Variants in KCNB2 observed in about 807,000 individuals in gnomAD.
KCNB2 encodes potassium voltage-gated channel subfamily B member 2, also known as delayed rectifier potassium channel protein.
KCNB2 carries 15 observed loss-of-function variants against 61.5 expected under a neutral mutation model. The ratio of observed to expected loss-of-function variants is 0.24; its 90% CI spans 0.16 to 0.38. KCNB2 has a LOEUF of 0.38. Among genes scored for constraint, KCNB2 ranks in the 10% least tolerant of loss-of-function variants. The pLI, the probability that KCNB2 is intolerant of heterozygous loss-of-function variation, is 1.00. For missense variants in KCNB2, 828 were observed against 1,125.2 expected (o/e 0.74, Z 3.78); for synonymous variants, 457 against 446.0 (o/e 1.02, Z -0.31).
At chr8:72,787,740 C>A (rs945631881) in intron 2 of KCNB2, among the ~76,000 whole-genome samples, 5 of 152,042 alleles carry the variant, frequency 3.3e-5, no homozygotes, top group Non-Finnish European at 7.4e-5. Context: ...CTTCCCTAAC[C>A]CCCACCCCAG....
At chr8:72,767,028 C>G (rs1045633412) in intron 2 of KCNB2, among the ~76,000 whole-genome samples, 1 of 152,116 alleles carries the variant, frequency 6.6e-6, no homozygotes, top group African/African-American at 2.4e-5. Flanking sequence ...ATAAACTCAT[C>G]AGATCTCATG....
intron 2 of KCNB2, among the ~76,000 whole-genome samples, chr8:72,784,811 G>A (rs1808821089): frequency 1.3e-5 from 2 of 152,168 alleles, no homozygotes; most frequent in African/African-American, 4.8e-5. Flanking sequence ...CCAGGAGACA[G>A]GGATCTACTG....
At chr8:72,814,792 A>T (rs1299511819) in intron 2 of KCNB2, among the ~76,000 whole-genome samples, 2 of 152,216 alleles carry the variant, frequency 1.3e-5, no homozygotes, top group African/African-American at 4.8e-5. Context: ...CATAGCTCTA[A>T]TAAATGACAT....
intron 2 of KCNB2, among the ~76,000 whole-genome samples, chr8:72,604,609 A>G: frequency 6.6e-6 from 1 of 152,236 alleles, no homozygotes; most frequent in Non-Finnish European, 1.5e-5. Context: ...CTTCCCAAAA[A>G]TCACCTAATG....
At chr8:72,833,439 C>G (rs958314132) in intron 2 of KCNB2, among the ~76,000 whole-genome samples, 14 of 152,082 alleles carry the variant, frequency 9.2e-5, no homozygotes, top group Non-Finnish European at 1.5e-4. Flanking sequence ...TAGTGAGGTT[C>G]TAGCATAGGA....
At chr8:72,728,040 A>G (rs571515662) in intron 2 of KCNB2, among the ~76,000 whole-genome samples, 2 of 152,232 alleles carry the variant, frequency 1.3e-5, no homozygotes, top group Non-Finnish European at 2.9e-5. Flanking sequence ...AACAGCATGC[A>G]GTCTCCTTGT....
At chr8:72,631,419 G>A (rs532357919) in intron 2 of KCNB2, among the ~76,000 whole-genome samples, 1 of 152,306 alleles carries the variant, frequency 6.6e-6, no homozygotes, top group East Asian at 1.9e-4. Context: ...ATTGGCTTTT[G>A]TGGCATCACT....
At chr8:72,859,262 GCAAA>G (rs1205642060) in intron 2 of KCNB2, among the ~76,000 whole-genome samples, 1 of 152,154 alleles carries the variant, frequency 6.6e-6, no homozygotes, top group Admixed American at 6.5e-5. Context: ...CTCACGTATA[GCAAA>G]CAAAGTGGGG....
At chr8:72,690,051 A>AAG (rs1806916234) in intron 2 of KCNB2, among the ~76,000 whole-genome samples, 1 of 151,686 alleles carries the variant, frequency 6.6e-6, no homozygotes, top group Admixed American at 6.6e-5. Context: ...AAAAAAAAAA[A>AAG]TCAAACTTCT....
intron 2 of KCNB2, among the ~76,000 whole-genome samples, chr8:72,599,997 A>G (rs1807267330): frequency 6.6e-6 from 1 of 152,368 alleles, no homozygotes; most frequent in African/African-American, 2.4e-5. Context: ...TGTTGGTGGA[A>G]CTGTAAACTA....
At chr8:72,718,558 G>A (rs186861709) in intron 2 of KCNB2, among the ~76,000 whole-genome samples, 2,019 of 150,842 alleles carry the variant, frequency 0.013, 19 homozygotes, top group Non-Finnish European at 0.018. Flanking sequence ...GCAAACTTTC[G>A]CAAGGACAAA....
intron 2 of KCNB2, among the ~76,000 whole-genome samples, chr8:72,632,967 A>C (rs1483869541): frequency 1.3e-5 from 2 of 152,172 alleles, no homozygotes; most frequent in Non-Finnish European, 2.9e-5. Flanking sequence ...AATTACCACA[A>C]ATTTAGCAGC....
intron 2 of KCNB2, among the ~76,000 whole-genome samples, chr8:72,792,224 T>C (rs1808957146): frequency 6.6e-6 from 1 of 152,188 alleles, no homozygotes; most frequent in Non-Finnish European, 1.5e-5. Flanking sequence ...AGCCAGATAG[T>C]TAAGCTAACA....
chr8:72,762,392 A>G (rs1808396148), intron 2 of KCNB2, among the ~76,000 whole-genome samples: 1 of 152,222 alleles, frequency 6.6e-6, no homozygotes, highest in Non-Finnish European at 1.5e-5. Flanking sequence ...AGCAAAACTG[A>G]GAAGAAAATA....
intron 2 of KCNB2, among the ~76,000 whole-genome samples, chr8:72,697,908 C>A (rs193125912): frequency 1.8e-4 from 28 of 152,212 alleles, no homozygotes; most frequent in Non-Finnish European, 3.7e-4. Flanking sequence ...CAATGCTGGG[C>A]CCAATCCCAG....
intron 2 of KCNB2, among the ~76,000 whole-genome samples, chr8:72,867,936 A>G (rs1805556534): frequency 6.6e-6 from 1 of 152,146 alleles, no homozygotes; most frequent in African/African-American, 2.4e-5. Flanking sequence ...CATAAGGATG[A>G]CATGAGGATT....
chr8:72,589,658 G>C (rs1244223503), intron 2 of KCNB2, among the ~76,000 whole-genome samples: 1 of 152,174 alleles, frequency 6.6e-6, no homozygotes, highest in Non-Finnish European at 1.5e-5. Flanking sequence ...TTTTTAAACT[G>C]AGTTTTAGTA....
chr8:72,604,397 A>G (rs2128982786), intron 2 of KCNB2, among the ~76,000 whole-genome samples: 1 of 152,306 alleles, frequency 6.6e-6, no homozygotes, highest in South Asian at 2.1e-4. Context: ...AGTGCTCAGA[A>G]AAACAAAAAC....
chr8:72,680,003 A>G (rs1806725944), intron 2 of KCNB2, among the ~76,000 whole-genome samples: 1 of 152,234 alleles, frequency 6.6e-6, no homozygotes, highest in Admixed American at 6.5e-5. Context: ...AAGATCGATA[A>G]TGCAACTAAC....
Sources: allele counts gnomAD v4.1 joint callset (sites outside exome capture counted in the v4.1 genomes callset), GRCh38; gene constraint gnomAD v4.1.1; transcripts MANE v1.5; gene names NCBI Gene and HGNC (gene_info 2026-07-23, HGNC 2026-07-21).